RIC3: variants seen among roughly 807,000 people sequenced by gnomAD.
RIC3 encodes the protein protein RIC-3.
RIC3 carries 28 observed loss-of-function variants against 27.3 expected under a neutral mutation model. That is an observed-to-expected ratio of 1.02 (90% CI 0.76 to 1.41). The LOEUF (loss-of-function observed/expected upper bound fraction) is 1.41. RIC3 is among the 40% of genes most tolerant of loss of function. The pLI is 0.00. For missense variants in RIC3, 501 were observed against 444.7 expected (o/e 1.13, Z -1.14); for synonymous variants, 184 against 160.4 (o/e 1.15, Z -1.11).
At chr11:8,148,018 G>T (rs1055358674) in intron 1 of RIC3, among the ~76,000 whole-genome samples, 1 of 152,016 alleles carries the variant, frequency 6.6e-6, no homozygotes, top group Non-Finnish European at 1.5e-5. Context: ...AGCCGAATTT[G>T]GGTAAGACTT....
At chr11:8,145,766 C>T (rs1354743717) in intron 1 of RIC3, among the ~76,000 whole-genome samples, 1 of 151,472 alleles carries the variant, frequency 6.6e-6, no homozygotes, top group African/African-American at 2.4e-5. Context: ...AATAAACAGG[C>T]ATGTATGAAA....
At chr11:8,149,024 C>CAT (rs1949984585) in intron 1 of RIC3, among the ~76,000 whole-genome samples, 1 of 96,182 alleles carries the variant, frequency 1.0e-5, no homozygotes, top group Non-Finnish European at 2.2e-5. Flanking sequence ...ACTAAAAATA[C>CAT]AAAAAAAAAA....
chr11:8,138,336 C>T lies in RIC3; in HGVS notation c.363G>A (p.Gly121=). The change falls in exon 3 of 6, where the codon GGG becomes GGA. Residue 121 remains glycine (G), a synonymous_variant. Transcript: ENST00000309737. ...ILYILFKLSK[G]KTTAEDGKCY... is the part of the protein sequence containing the mutation. ...ATTTCCCATCCTCTGCAGTTGTTTT[C>T]CCCTTTGAGAGCTGAGAATTGAAGG... 1 of 1,612,602 alleles carries T rather than the reference C, an allele frequency of 6.2e-7. No individual in the cohort carries two copies. The highest frequency in any genetic ancestry group is 8.5e-7 in the Non-Finnish European group (1 of 1,178,766).
At chr11:8,123,165 A>G (rs974320411) in intron 5 of RIC3, among the ~76,000 whole-genome samples, 1 of 152,098 alleles carries the variant, frequency 6.6e-6, no homozygotes, top group African/African-American at 2.4e-5. Flanking sequence ...CATAGCAAGA[A>G]AAACTATTCA....
chr11:8,117,522 A>C (rs1945982217), intron 5 of RIC3, among the ~76,000 whole-genome samples: 1 of 152,248 alleles, frequency 6.6e-6, no homozygotes, highest in African/African-American at 2.4e-5. Context: ...TAAGAAAATA[A>C]AATGGTGGTT....
the RIC3 span, chr11:8,095,500 A>C: frequency 6.2e-7 from 1 of 1,608,268 alleles, no homozygotes; most frequent in Non-Finnish European, 8.5e-7. Flanking sequence ...GCCTGCAGGC[A>C]CCAGCGGGCC....
intron 1 of RIC3, among the ~76,000 whole-genome samples, chr11:8,160,472 G>T (rs1951068622): frequency 6.6e-6 from 1 of 152,162 alleles, no homozygotes; most frequent in East Asian, 1.9e-4. Context: ...TCAAGAGCTA[G>T]AATTCTTGGC....
chr11:8,165,785 TTG>T (rs759466291), intron 1 of RIC3, among the ~76,000 whole-genome samples: 16,730 of 85,454 alleles, frequency 0.2, 884 homozygotes, highest in South Asian at 0.26. Flanking sequence ...TTGTTTTGTT[TTG>T]TTTTTTTTTT....
intron 1 of RIC3, among the ~76,000 whole-genome samples, chr11:8,150,059 G>A (rs1404647312): frequency 6.6e-6 from 1 of 152,112 alleles, no homozygotes; most frequent in African/African-American, 2.4e-5. Context: ...GACCCATGAA[G>A]GACGTGTTTC....
At chr11:8,167,687 T>C (rs1157491861) in intron 1 of RIC3, among the ~76,000 whole-genome samples, 2 of 147,300 alleles carry the variant, frequency 1.4e-5, no homozygotes, top group Admixed American at 1.4e-4. Flanking sequence ...CTGTTCAGGA[T>C]CATCATGAAT....
intron 4 of RIC3, chr11:8,128,387 G>T: frequency 2.5e-6 from 1 of 392,312 alleles, no homozygotes; most frequent in Non-Finnish European, 5.0e-6. Context: ...CAGGAAGCAG[G>T]AACAGACAAG....
chr11:8,146,355 A>G (rs1949676733), intron 1 of RIC3, among the ~76,000 whole-genome samples: 1 of 152,222 alleles, frequency 6.6e-6, no homozygotes, highest in Admixed American at 6.5e-5. Context: ...AAATATGTGG[A>G]TATAAAGACA....
intron 3 of RIC3, 100 bp from the exon 4 acceptor site, chr11:8,137,571 C>G: frequency 1.4e-6 from 1 of 740,362 alleles, no homozygotes; most frequent in South Asian, 2.1e-5. Context: ...GTCTAACTTC[C>G]CATTACTATC....
chr11:8,099,712 G>A, the RIC3 span, among the ~76,000 whole-genome samples: 2 of 152,210 alleles, frequency 1.3e-5, no homozygotes, highest in Non-Finnish European at 2.9e-5. Flanking sequence ...AGTAGGGGAG[G>A]GGAGATAAGA....
intron 1 of RIC3, among the ~76,000 whole-genome samples, chr11:8,147,204 T>C (rs2134039184): frequency 6.6e-6 from 1 of 152,342 alleles, no homozygotes; most frequent in East Asian, 1.9e-4. Context: ...ACCAAACCAA[T>C]GTACTTCTTA....
chr11:8,097,673 A>G, the RIC3 span: 5 of 1,556,078 alleles, frequency 3.2e-6, no homozygotes, highest in African/African-American at 2.7e-5. Context: ...TGTGCAGACC[A>G]GAGGCTGAGT....
At chr11:8,163,058 C>CACACACAT in intron 1 of RIC3, among the ~76,000 whole-genome samples, 1 of 149,104 alleles carries the variant, frequency 6.7e-6, no homozygotes, top group South Asian at 2.1e-4. Context: ...CACATACACA[C>CACACACAT]ACACACACAC....
At chr11:8,097,507 A>AT in the RIC3 span, 1 of 1,576,354 alleles carries the variant, frequency 6.3e-7, no homozygotes, top group Non-Finnish European at 8.7e-7. Context: ...TGGAAGTCTC[A>AT]TATCTACCAC....
chr11:8,100,564 A>G, the RIC3 span: 9 of 1,614,154 alleles, frequency 5.6e-6, no homozygotes, highest in Admixed American at 1.5e-4. Context: ...CCAGGCATGA[A>G]CATGGTTCAT....
Sources: allele counts gnomAD v4.1 joint callset (sites outside exome capture counted in the v4.1 genomes callset), GRCh38; gene constraint gnomAD v4.1.1; transcripts MANE v1.5; gene names NCBI Gene and HGNC (gene_info 2026-07-23, HGNC 2026-07-21).